TRPM3: variants seen among roughly 807,000 people sequenced by gnomAD.
TRPM3 encodes the protein long transient receptor potential channel 3.
In TRPM3, 77 loss-of-function variants were observed where a neutral mutation model predicts 181.2. The observed-to-expected ratio is 0.42, with a 90% CI of 0.35 to 0.51. The LOEUF is 0.51. TRPM3 is among the 20% of genes least tolerant of loss of function. TRPM3 has a pLI of 0.01. For synonymous variants in TRPM3, 745 were observed against 796.4 expected (o/e 0.94, Z 1.09); for missense variants, 1,759 against 2,196.7 (o/e 0.80, Z 3.98).
At chr9:70,766,442 G>C (rs1010574415) in intron 7 of TRPM3, among the ~76,000 whole-genome samples, 32 of 152,012 alleles carry the variant, frequency 2.1e-4, no homozygotes, top group African/African-American at 7.7e-4. Context: ...CCCTTCCTGT[G>C]ACCCCCATAG....
At chr9:71,420,878 G>GA (rs2093746968) in intron 1 of TRPM3, among the ~76,000 whole-genome samples, 1 of 1,202 alleles carries the variant, frequency 8.3e-4, no homozygotes, top group Non-Finnish European at 1.4e-3. Flanking sequence ...GGAGAGAAAA[G>GA]GAGGGAGAGA....
intron 22 of TRPM3, among the ~76,000 whole-genome samples, chr9:70,572,351 C>T (rs983577988): frequency 2.6e-5 from 4 of 152,096 alleles, no homozygotes; most frequent in African/African-American, 9.7e-5. Context: ...CTTAAATAAC[C>T]ACCTATATTT....
chr9:71,240,561 T>C (rs1207135631), intron 1 of TRPM3, among the ~76,000 whole-genome samples: 1 of 152,128 alleles, frequency 6.6e-6, no homozygotes, highest in Admixed American at 6.6e-5. Context: ...CTGATACAAA[T>C]AGTCCATGAA....
intron 14 of TRPM3, among the ~76,000 whole-genome samples, chr9:70,621,633 T>A (rs2063660057): frequency 6.6e-6 from 1 of 152,208 alleles, no homozygotes; most frequent in South Asian, 2.1e-4. Flanking sequence ...CCCAAAGTAC[T>A]GGGATTATAG....
At chr9:70,842,541 G>A (rs2094745645) in intron 5 of TRPM3, among the ~76,000 whole-genome samples, 3 of 152,044 alleles carry the variant, frequency 2.0e-5, no homozygotes, top group Admixed American at 2.0e-4. Flanking sequence ...ACTTTGAAAT[G>A]AAAAGAATCT....
At chr9:71,118,303 A>G (rs957786941) in intron 1 of TRPM3, among the ~76,000 whole-genome samples, 2 of 152,202 alleles carry the variant, frequency 1.3e-5, no homozygotes, top group East Asian at 1.9e-4. Context: ...GGACAAAACA[A>G]CAAATGAGAT....
chr9:70,855,085 T>C (rs1357618860), intron 3 of TRPM3, among the ~76,000 whole-genome samples: 1 of 152,216 alleles, frequency 6.6e-6, no homozygotes, highest in Non-Finnish European at 1.5e-5. Flanking sequence ...GCAGGTGACT[T>C]ATTGCATTTT....
intron 1 of TRPM3, among the ~76,000 whole-genome samples, chr9:70,981,682 T>C (rs899630491): frequency 1.3e-5 from 2 of 152,174 alleles, no homozygotes; most frequent in Non-Finnish European, 2.9e-5. Context: ...TGAGGTAATG[T>C]AGGCAAACAT....
chr9:70,957,448 G>A (rs768771147), intron 1 of TRPM3, among the ~76,000 whole-genome samples: 2 of 152,064 alleles, frequency 1.3e-5, no homozygotes, highest in Non-Finnish European at 2.9e-5. Flanking sequence ...GTGCTCTGGG[G>A]TTAAAAGGAC....
intron 1 of TRPM3, among the ~76,000 whole-genome samples, chr9:70,915,740 A>C (rs1289992705): frequency 6.6e-6 from 1 of 152,076 alleles, no homozygotes; most frequent in Non-Finnish European, 1.5e-5. Context: ...CAAGATCTAG[A>C]AAATATCCTC....
At chr9:71,139,825 A>G (rs758259627) in intron 1 of TRPM3, among the ~76,000 whole-genome samples, 114 of 152,286 alleles carry the variant, frequency 7.5e-4, no homozygotes, top group Non-Finnish European at 1.3e-3. Context: ...CTTCTGCTAG[A>G]GAAGCTAAAA....
chr9:71,366,098 T>C (rs1413506369), intron 1 of TRPM3, among the ~76,000 whole-genome samples: 12 of 152,274 alleles, frequency 7.9e-5, no homozygotes, highest in Non-Finnish European at 2.9e-5. Flanking sequence ...AATTTACAAA[T>C]ATAGTATCTG....
At chr9:71,164,138 G>C (rs7042684) in intron 1 of TRPM3, among the ~76,000 whole-genome samples, 60,119 of 152,046 alleles carry the variant, frequency 0.4, 12,280 homozygotes, top group East Asian at 0.52. Context: ...GCCTCAAGGT[G>C]AATATCCCAA....
chr9:71,095,617 G>T (rs1345481758), intron 1 of TRPM3, among the ~76,000 whole-genome samples: 1 of 151,686 alleles, frequency 6.6e-6, no homozygotes, highest in Non-Finnish European at 1.5e-5. Flanking sequence ...AAATTAGCCG[G>T]GCATGGTGGC....
intron 1 of TRPM3, among the ~76,000 whole-genome samples, chr9:71,350,902 G>A (rs1327499396): frequency 6.6e-6 from 1 of 152,160 alleles, no homozygotes; most frequent in Non-Finnish European, 1.5e-5. Flanking sequence ...GGGGGCGATA[G>A]TTCTATAAAT....
rs149802155 is a variant in TRPM3 at position 71,303,094 on chromosome 9, C to T, written c.183+143559G>A. 1.8e-3 allele frequency among the ~76,000 whole-genome samples: 269 copies of T among 152,180 alleles called. 2 individuals are homozygous for T. The highest frequency in any genetic ancestry group is 6.3e-3 in the African/African-American group (262 of 41,514). ...TCACCCACAGTGGCCTGAAGGAACC[C>T]AGAGGACTTCCTGGACACCCCACCC... is the stretch of plus-strand genomic sequence containing the variant. On this transcript the variant is annotated intron_variant, in intron 1 of 24. Coordinates refer to the TRPM3 transcript ENST00000357533.
chr9:71,446,601 G>C, intron 1 of TRPM3: 1 of 1,523,064 alleles, frequency 6.6e-7, no homozygotes, highest in Non-Finnish European at 8.9e-7. Flanking sequence ...CTCAAGTCGC[G>C]TGCGAAGGGA....
intron 1 of TRPM3, among the ~76,000 whole-genome samples, chr9:71,279,043 AT>A (rs1186420554): frequency 0.2 from 27,150 of 134,548 alleles, 6,077 homozygotes; most frequent in African/African-American, 0.32. Flanking sequence ...GTTAAAAAAA[AT>A]AAAAATAAAA....
chr9:71,277,247 T>C (rs902944656), intron 1 of TRPM3, among the ~76,000 whole-genome samples: 3 of 152,148 alleles, frequency 2.0e-5, no homozygotes, highest in African/African-American at 7.2e-5. Context: ...ATGGGGATGG[T>C]GTCTATGGCC....
Sources: allele counts gnomAD v4.1 joint callset (sites outside exome capture counted in the v4.1 genomes callset), GRCh38; gene constraint gnomAD v4.1.1; transcripts MANE v1.5; gene names NCBI Gene and HGNC (gene_info 2026-07-23, HGNC 2026-07-21).